Variants in SLC36A1 observed in about 807,000 individuals in gnomAD.
The protein encoded by SLC36A1 is solute carrier family 36 member 1, also known as proton-coupled amino acid transporter 1.
In SLC36A1, 30 loss-of-function variants were observed where a neutral mutation model predicts 47.5. The observed-to-expected ratio is 0.63, with a 90% CI of 0.47 to 0.86. The LOEUF (loss-of-function observed/expected upper bound fraction) is 0.86. SLC36A1 is among the 40% of genes least tolerant of loss of function. The pLI is 0.00. For missense variants in SLC36A1, 517 were observed against 606.0 expected (o/e 0.85, Z 1.54); for synonymous variants, 255 against 249.7 (o/e 1.02, Z -0.20).
the SLC36A1 span, among the ~76,000 whole-genome samples, chr5:151,534,993 A>ATATATATG: frequency 4.3e-5 from 6 of 139,656 alleles, no homozygotes; most frequent in East Asian, 1.2e-3. Context: ...ATATATATAT[A>ATATATATG]TATGTATACA....
intron 10 of SLC36A1, among the ~76,000 whole-genome samples, chr5:151,485,686 A>G (rs933173445): frequency 2.0e-5 from 3 of 152,092 alleles, no homozygotes; most frequent in Non-Finnish European, 4.4e-5. Context: ...ATAGGACTGT[A>G]GTAATATTGT....
the SLC36A1 span, among the ~76,000 whole-genome samples, chr5:151,520,242 T>C: frequency 7.2e-5 from 11 of 152,230 alleles, no homozygotes; most frequent in Non-Finnish European, 1.6e-4. Flanking sequence ...CATGTCACTT[T>C]CCTTTAGCCA....
chr5:151,489,009 G>A lies in SLC36A1; in HGVS notation c.*755G>A, dbSNP rs940827089. ...ACTGTCTTAGATCTGGGGCTATTACGAATCACTTCTTCTTCAGTAAACTTT... is the reference window on the plus strand; with the variant it reads ...ACTGTCTTAGATCTGGGGCTATTACAAATCACTTCTTCTTCAGTAAACTTT... On this transcript the variant is annotated 3_prime_UTR_variant, in exon 11 of 11. Coordinates refer to ENST00000243389, the MANE Select transcript of SLC36A1 (RefSeq NM_078483.4). The surrounding 1 kb of genome is among the most constrained non-coding windows in gnomAD (Gnocchi z 4.5). 6.6e-6 allele frequency: 1 copy of A among 152,008 alleles called. No homozygotes were observed. The highest frequency in any genetic ancestry group is 2.4e-5 in the African/African-American group (1 of 41,336). 9.4% of individuals were successfully genotyped at this position (152,008 alleles called of 1,614,324 possible).
At chr5:151,447,231 A>G (rs1042789616), upstream of SLC36A1, among the ~76,000 whole-genome samples, 1 of 152,246 alleles carries the variant, frequency 6.6e-6, no homozygotes, top group Non-Finnish European at 1.5e-5. Context: ...CACAGATGAT[A>G]GTTTGTGTAT....
chr5:151,486,779 G>A (rs1428416725), intron 10 of SLC36A1, among the ~76,000 whole-genome samples: 3 of 152,248 alleles, frequency 2.0e-5, no homozygotes, highest in Non-Finnish European at 4.4e-5. Flanking sequence ...TAGCCCAGCA[G>A]TAGGAAAGAC....
At chr5:151,433,305 C>T (rs1354816179), upstream of SLC36A1, among the ~76,000 whole-genome samples, 2 of 39,270 alleles carry the variant, frequency 5.1e-5, no homozygotes, top group Admixed American at 4.4e-4. Context: ...TTTTTTGAGA[C>T]GGAGTTTCAC....
chr5:151,456,180 C>G (rs1754471856), intron 1 of SLC36A1, among the ~76,000 whole-genome samples: 1 of 152,090 alleles, frequency 6.6e-6, no homozygotes, highest in African/African-American at 2.4e-5. Flanking sequence ...GCAGCTTTTT[C>G]TTTTTTTCAG....
chr5:151,539,462 CTAGGTATA>C, the SLC36A1 span, among the ~76,000 whole-genome samples: 2 of 151,998 alleles, frequency 1.3e-5, no homozygotes, highest in African/African-American at 4.8e-5. Context: ...GTTGATTGTG[CTAGGTATA>C]TAGGTATATG....
At chr5:151,516,078 C>T in the SLC36A1 span, among the ~76,000 whole-genome samples, 4 of 152,222 alleles carry the variant, frequency 2.6e-5, no homozygotes, top group African/African-American at 9.6e-5. Flanking sequence ...TGCCAAAAGG[C>T]TTTCACATTG....
chr5:151,546,162 C>A, the SLC36A1 span: 1 of 1,614,142 alleles, frequency 6.2e-7, no homozygotes, highest in Admixed American at 1.7e-5. Context: ...TGGGGGCACT[C>A]CTATCTGAGG....
At chr5:151,408,688 A>G in the SLC36A1 span, among the ~76,000 whole-genome samples, 1 of 152,320 alleles carries the variant, frequency 6.6e-6, no homozygotes, top group African/African-American at 2.4e-5. Context: ...GAATTAAATG[A>G]CTTGTAAATC....
chr5:151,553,491 G>C, the SLC36A1 span: 11 of 972,928 alleles, frequency 1.1e-5, no homozygotes, highest in African/African-American at 1.6e-5. Context: ...GACCAAGCAG[G>C]CCTCTCATCC....
At chr5:151,433,254 ATATATATATATATTTTT>A (rs1759529179), upstream of SLC36A1, among the ~76,000 whole-genome samples, 9 of 16,500 alleles carry the variant, frequency 5.5e-4, no homozygotes, top group African/African-American at 1.9e-3. Flanking sequence ...ATATATATAT[ATATATATATATATTTTT>A]TTTTTTTTTT....
chr5:151,490,174 C>A lies in SLC36A1; in HGVS notation c.*1920C>A, dbSNP rs1027359529. On this transcript the variant is annotated 3_prime_UTR_variant, in exon 11 of 11. Coordinates refer to ENST00000243389, the MANE Select transcript of SLC36A1 (RefSeq NM_078483.4). ...TTAGGAGAAGGACGATTTTCACCCA[C>A]CCTTTCTGTTCTATGGTGGACTCTT... 2.0e-5 allele frequency: 3 copies of A among 152,228 alleles called. No individual in the cohort carries two copies. The highest frequency in any genetic ancestry group is 4.8e-5 in the African/African-American group (2 of 41,454). 9.4% of individuals were successfully genotyped at this position (152,228 alleles called of 1,614,324 possible). A position where few individuals can be genotyped will look rare whatever the true frequency, so the allele number is the denominator to read the frequency against.
At chr5:151,534,721 A>G in the SLC36A1 span, 1 of 1,215,080 alleles carries the variant, frequency 8.2e-7, no homozygotes. Flanking sequence ...TATCTACAGG[A>G]GACAAACCCA....
the SLC36A1 span, among the ~76,000 whole-genome samples, chr5:151,351,634 G>C: frequency 1.3e-5 from 2 of 152,088 alleles, no homozygotes; most frequent in African/African-American, 4.8e-5. Context: ...TTCAGCAAAA[G>C]CTAATAATGA....
chr5:151,466,623 G>A (rs1756422848), intron 5 of SLC36A1, among the ~76,000 whole-genome samples: 1 of 152,230 alleles, frequency 6.6e-6, no homozygotes, highest in African/African-American at 2.4e-5. Flanking sequence ...CCTTAATGTG[G>A]GACTTGGTTG....
At chr5:151,494,301 AT>A (rs1287930274), downstream of SLC36A1, among the ~76,000 whole-genome samples, 1 of 152,180 alleles carries the variant, frequency 6.6e-6, no homozygotes, top group African/African-American at 2.4e-5. Flanking sequence ...TTTAAAAAAA[AT>A]GGAGTATAAT....
intron 1 of SLC36A1, among the ~76,000 whole-genome samples, chr5:151,455,806 G>A (rs575246235): frequency 2.0e-4 from 30 of 152,286 alleles, no homozygotes; most frequent in Admixed American, 1.8e-3. Flanking sequence ...AGGCAAAAGC[G>A]AACAAGGAGA....
Sources: gnomAD v4.1 joint callset for allele counts (sites outside exome capture counted in the v4.1 genomes callset) on GRCh38, gnomAD v4.1.1 for gene constraint, Gnocchi (gnomAD v3.1) non-coding constraint, MANE v1.5 for transcripts, NCBI Gene and HGNC (gene_info 2026-07-23, HGNC 2026-07-21) for gene names.